TCEANC2: variants seen among roughly 807,000 people sequenced by gnomAD.
TCEANC2 encodes transcription elongation factor A N-terminal and central domain containing 2.
Under a neutral mutation model 22.8 loss-of-function variants are expected in TCEANC2, and 20 were observed. The ratio of observed to expected loss-of-function variants is 0.88; its 90% CI spans 0.62 to 1.28. TCEANC2 has a LOEUF of 1.28. Among genes scored for constraint, TCEANC2 ranks in the 50% most tolerant of loss-of-function variants. The pLI is 0.00. For missense variants in TCEANC2, 251 were observed against 249.7 expected, an observed-to-expected ratio of 1.01 and a Z score of -0.03; for synonymous variants, 84 against 95.5, an observed-to-expected ratio of 0.88 and a Z score of 0.70.
intron 2 of TCEANC2, among the ~76,000 whole-genome samples, chr1:54,067,310 T>C (rs1243260781): frequency 6.6e-6 from 1 of 152,088 alleles, no homozygotes; most frequent in Non-Finnish European, 1.5e-5. Context: ...CTGGGATCCC[T>C]ATAGGGAGAG....
In TCEANC2 at chr1:54,054,414, C is replaced by T. The variant is rs754975102; in HGVS notation, c.-9C>T. 6 of 1,613,976 alleles carry T rather than the reference C, an allele frequency of 3.7e-6. No individual in the cohort carries two copies. The highest frequency in any genetic ancestry group is 5.1e-6 in the Non-Finnish European group (6 of 1,179,974). On this transcript the variant is annotated 5_prime_UTR_variant, in exon 2 of 5. Coordinates refer to ENST00000234827, the MANE Select transcript of TCEANC2 (RefSeq NM_153035.3). ...GCAAGCACGTCAAGGTAGTCGGAGTCCCCTAACAATGGATAAATTCGTCAT... is the reference window on the plus strand; with the variant it reads ...GCAAGCACGTCAAGGTAGTCGGAGTTCCCTAACAATGGATAAATTCGTCAT...
Position 54,081,618 on chromosome 1 carries a change from T to C in TCEANC2, c.245-6979T>C, listed in dbSNP as rs548380016. ...ATGACTCTGCTCTGTTTTTGTCTAGTAGAGGGTTTCCCAGACTCCTTCTCT... is the reference window on the plus strand; with the variant it reads ...ATGACTCTGCTCTGTTTTTGTCTAGCAGAGGGTTTCCCAGACTCCTTCTCT... On this transcript the variant is annotated intron_variant, in intron 3 of 4. Coordinates refer to ENST00000234827, the MANE Select transcript of TCEANC2 (RefSeq NM_153035.3). 2.2e-3 allele frequency among the ~76,000 whole-genome samples: 336 copies of C among 152,286 alleles called. 2 individuals are homozygous for C. The highest frequency in any genetic ancestry group is 8.0e-3 in the African/African-American group (332 of 41,566).
chr1:54,084,700 A>G (rs1658305371), intron 3 of TCEANC2, among the ~76,000 whole-genome samples: 1 of 152,252 alleles, frequency 6.6e-6, no homozygotes, highest in Non-Finnish European at 1.5e-5. Flanking sequence ...CGTCTCTACT[A>G]AAAATACAAA....
chr1:54,094,638 A>G (rs1658509633), intron 4 of TCEANC2, among the ~76,000 whole-genome samples: 1 of 152,234 alleles, frequency 6.6e-6, no homozygotes, highest in African/African-American at 2.4e-5. Context: ...CTACTAGACT[A>G]GGCTGCCCAA....
downstream of TCEANC2, among the ~76,000 whole-genome samples, chr1:54,110,842 C>T (rs567912148): frequency 1.3e-5 from 2 of 152,264 alleles, no homozygotes; most frequent in South Asian, 4.2e-4. Context: ...CTCTGCCCAG[C>T]ATGCCCTGAT....
In TCEANC2 at chr1:54,097,936, G is replaced by A. The variant is rs1353582241; in HGVS notation, c.*1463G>A. 1 of 152,210 alleles carries A rather than the reference G, an allele frequency of 6.6e-6. No homozygotes were observed. The highest frequency in any genetic ancestry group is 1.5e-5 in the Non-Finnish European group (1 of 68,044). 9.4% of individuals were successfully genotyped at this position (152,210 alleles called of 1,614,324 possible). A position where few individuals can be genotyped will look rare whatever the true frequency, so the allele number is the denominator to read the frequency against. ...AAAAAGAAAATACCCAGTTAAACAT[G>A]AGAAAAGTGAGGCTCAGAAAGGTAT... On this transcript the variant is annotated 3_prime_UTR_variant, in exon 5 of 5. Transcript: ENST00000234827.
rs527881682 is a variant in TCEANC2, at chr1:54,099,697, T to G, written c.*3224T>G. The G allele has an allele frequency of 1.2e-4, 18 of 149,610 alleles. No individual in the cohort carries two copies. In the East Asian group the frequency reaches 3.6e-3, roughly 30 times the overall value. 9.3% of individuals were successfully genotyped at this position (149,610 alleles called of 1,614,324 possible). A position where few individuals can be genotyped will look rare whatever the true frequency, so the allele number is the denominator to read the frequency against. Reference sequence around the variant, plus strand: ...AGATGGAGGCTGCAGTAAGCCAAGATTGTACCACTGCACTCCAGCCTGGGC... The same window carrying G: ...AGATGGAGGCTGCAGTAAGCCAAGAGTGTACCACTGCACTCCAGCCTGGGC... On this transcript the variant is annotated 3_prime_UTR_variant, in exon 5 of 5. Transcript: ENST00000234827.
Position 54,096,260 on chromosome 1 carries a change from A to C in TCEANC2, c.439-25A>C. On this transcript the variant is annotated intron_variant, in intron 4 of 4. Transcript: ENST00000234827. This position sits in a 1 kb window ranked among gnomAD's most constrained non-coding sequence, Gnocchi z 4.9. ...AATCCTTACGCAATGTAAGGCTCTA[A>C]TTTGATAATTTTGCTGTTTTTTAGA... 6.3e-7 allele frequency: 1 copy of C among 1,578,348 alleles called. No homozygotes were observed. Among genetic ancestry groups the C allele is most frequent in the Non-Finnish European group, 8.7e-7 (1 of 1,152,470 alleles).
chr1:54,078,157 G>A (rs932959825), intron 3 of TCEANC2, among the ~76,000 whole-genome samples: 3 of 150,576 alleles, frequency 2.0e-5, no homozygotes, highest in Non-Finnish European at 4.4e-5. Flanking sequence ...TCTTTTTTTT[G>A]TAAACTGTCT....
chr1:54,096,865 G>A lies in TCEANC2; in HGVS notation c.*392G>A, dbSNP rs1378245576. The stretch of plus-strand genomic sequence containing the variant: ...TGCAGGTAACTGAAACTCAATTACC[G>A]CTGCCGCTCACTCGGTTCCATCCCC... On this transcript the variant is annotated 3_prime_UTR_variant, in exon 5 of 5. Transcript: ENST00000234827. The surrounding 1 kb of genome is among the most constrained non-coding windows in gnomAD (Gnocchi z 4.9). The A allele has an allele frequency of 8.1e-6, 8 of 992,414 alleles. No individual in the cohort carries two copies. Among genetic ancestry groups the A allele is most frequent in the East Asian group, 1.1e-4 (1 of 9,170 alleles). 61.5% of individuals were successfully genotyped at this position (992,414 alleles called of 1,614,324 possible).
At chr1:54,060,224 G>A (rs1381878710) in intron 2 of TCEANC2, among the ~76,000 whole-genome samples, 29 of 152,110 alleles carry the variant, frequency 1.9e-4, no homozygotes, top group Admixed American at 1.9e-3. Flanking sequence ...TGGCCAATAT[G>A]GTGAAACCCT....
intron 2 of TCEANC2, among the ~76,000 whole-genome samples, chr1:54,064,977 G>A (rs570890514): frequency 6.6e-6 from 1 of 152,298 alleles, no homozygotes; most frequent in South Asian, 2.1e-4. Context: ...CGGGATTACA[G>A]GTGTGAGCCA....
intron 2 of TCEANC2, among the ~76,000 whole-genome samples, chr1:54,059,827 GT>G (rs751412010): frequency 6.6e-6 from 1 of 152,194 alleles, no homozygotes; most frequent in Non-Finnish European, 1.5e-5. Context: ...CCGTTGTAGG[GT>G]TTTGATAGTA....
chr1:54,094,462 C>T (rs1330523616), intron 4 of TCEANC2, among the ~76,000 whole-genome samples: 1 of 152,204 alleles, frequency 6.6e-6, no homozygotes, highest in Non-Finnish European at 1.5e-5. Context: ...TAGCCAGATC[C>T]TACTCATGCT....
At chr1:54,087,283 C>G (rs1436245544) in intron 3 of TCEANC2, among the ~76,000 whole-genome samples, 2 of 151,810 alleles carry the variant, frequency 1.3e-5, no homozygotes, top group African/African-American at 4.8e-5. Flanking sequence ...ATTTTTGACC[C>G]TTCACCTTTT....
intron 3 of TCEANC2, among the ~76,000 whole-genome samples, chr1:54,085,339 C>T (rs1431717262): frequency 6.6e-6 from 1 of 152,136 alleles, no homozygotes; most frequent in East Asian, 1.9e-4. Context: ...TTGGGCCATG[C>T]AGTTGGCATA....
At chr1:54,060,043 G>C (rs1657821860) in intron 2 of TCEANC2, among the ~76,000 whole-genome samples, 1 of 152,132 alleles carries the variant, frequency 6.6e-6, no homozygotes, top group Non-Finnish European at 1.5e-5. Flanking sequence ...AAGACAGGAA[G>C]ACCACTTGAG....
chr1:54,057,412 A>G (rs1657773438), intron 2 of TCEANC2, among the ~76,000 whole-genome samples: 1 of 133,368 alleles, frequency 7.5e-6, no homozygotes, highest in South Asian at 2.4e-4. Context: ...TCTGGTCTTG[A>G]ACTTCTGGGC....
chr1:54,096,651 G>A lies in TCEANC2; in HGVS notation c.*178G>A. On this transcript the variant is annotated 3_prime_UTR_variant, in exon 5 of 5. Coordinates refer to ENST00000234827, the MANE Select transcript of TCEANC2 (RefSeq NM_153035.3). The surrounding 1 kb of genome is among the most constrained non-coding windows in gnomAD (Gnocchi z 4.9). ...CCCTAGGAGACAGGCCTGCAGGAAT[G>A]TGCTTCATTAGCTGCAGTGCGCTGG... The A allele has an allele frequency of 1.5e-6, 2 of 1,315,424 alleles. No individual in the cohort carries two copies. Among genetic ancestry groups the A allele is most frequent in the Non-Finnish European group, 2.0e-6 (2 of 1,013,874 alleles). 81.5% of individuals were successfully genotyped at this position (1,315,424 alleles called of 1,614,324 possible).
Sources: gnomAD v4.1 joint callset for allele counts (sites outside exome capture counted in the v4.1 genomes callset) on GRCh38, gnomAD v4.1.1 for gene constraint, Gnocchi (gnomAD v3.1) non-coding constraint, MANE v1.5 for transcripts, NCBI Gene and HGNC (gene_info 2026-07-23, HGNC 2026-07-21) for gene names.